The following MARCHF3 variants were observed in gnomAD, a reference collection of about 807,000 sequenced individuals.
The protein encoded by MARCHF3 is membrane associated ring-CH-type finger 3, also known as E3 ubiquitin-protein ligase MARCHF3.
MARCHF3 carries 13 observed loss-of-function variants against 24.2 expected under a neutral mutation model. That is an observed-to-expected ratio of 0.54 (90% CI 0.35 to 0.85). MARCHF3 has a LOEUF of 0.85. Ranked by LOEUF, MARCHF3 falls within the 40% of genes least tolerant of loss-of-function variation. The probability of loss-of-function intolerance (pLI) is 0.01; values close to 1 mark genes in which losing one functional copy is unlikely to be tolerated. For synonymous variants in MARCHF3, 144 were observed against 137.3 expected, an observed-to-expected ratio of 1.05 and a Z score of -0.34; for missense variants, 276 against 325.0, an observed-to-expected ratio of 0.85 and a Z score of 1.16.
At chr5:126,911,208 C>A (rs1754517631) in intron 3 of MARCHF3, among the ~76,000 whole-genome samples, 1 of 152,186 alleles carries the variant, frequency 6.6e-6, no homozygotes, top group African/African-American at 2.4e-5. Flanking sequence ...TCTCGCCCTG[C>A]CTCCATTTGC....
intron 1 of MARCHF3, among the ~76,000 whole-genome samples, chr5:126,938,526 T>C (rs1749721821): frequency 6.7e-6 from 1 of 149,684 alleles, no homozygotes; most frequent in Admixed American, 6.7e-5. Context: ...GGAGTTAACA[T>C]GTAGGGCAAA....
intron 1 of MARCHF3, among the ~76,000 whole-genome samples, chr5:127,008,230 G>A (rs1752368916): frequency 6.6e-6 from 1 of 152,144 alleles, no homozygotes; most frequent in Non-Finnish European, 1.5e-5. Flanking sequence ...GTTTCCAACT[G>A]AAAATGAAAA....
intron 3 of MARCHF3, among the ~76,000 whole-genome samples, chr5:126,892,295 A>G (rs1321704036): frequency 3.4e-5 from 5 of 148,200 alleles, no homozygotes; most frequent in South Asian, 2.2e-4. Context: ...TCTCCTGCCT[A>G]ATTGCCCTGG....
chr5:126,883,908 G>A (rs1753421874), intron 3 of MARCHF3, among the ~76,000 whole-genome samples: 1 of 152,088 alleles, frequency 6.6e-6, no homozygotes, highest in Non-Finnish European at 1.5e-5. Context: ...TCACAAGAAT[G>A]AAAGAAACTG....
At chr5:126,893,254 T>C (rs1351359563) in intron 3 of MARCHF3, among the ~76,000 whole-genome samples, 1 of 151,812 alleles carries the variant, frequency 6.6e-6, no homozygotes, top group Non-Finnish European at 1.5e-5. Flanking sequence ...CTGGATTCGT[T>C]AATTTTTTGA....
intron 1 of MARCHF3, among the ~76,000 whole-genome samples, chr5:126,950,053 C>T (rs994940149): frequency 2.6e-5 from 4 of 152,182 alleles, no homozygotes; most frequent in African/African-American, 9.7e-5. Context: ...TCCCCCAGGA[C>T]CTCCAATATT....
chr5:126,951,186 T>G (rs921859876), intron 1 of MARCHF3, among the ~76,000 whole-genome samples: 16 of 152,228 alleles, frequency 1.1e-4, no homozygotes, highest in African/African-American at 3.9e-4. Context: ...TACACTTTCT[T>G]CACTTGGCTT....
intron 1 of MARCHF3, among the ~76,000 whole-genome samples, chr5:127,024,927 T>G (rs1322942318): frequency 6.6e-6 from 1 of 152,208 alleles, no homozygotes; most frequent in Non-Finnish European, 1.5e-5. Flanking sequence ...CCTAACATAG[T>G]TGGATGGCTA....
chr5:126,917,477 A>C (rs898783507), intron 2 of MARCHF3, among the ~76,000 whole-genome samples: 2 of 152,218 alleles, frequency 1.3e-5, no homozygotes, highest in Non-Finnish European at 2.9e-5. Flanking sequence ...AGAGGACAGC[A>C]GAAGAGACCT....
At chr5:126,918,570 T>A (rs1272080051) in intron 1 of MARCHF3, among the ~76,000 whole-genome samples, 1 of 152,160 alleles carries the variant, frequency 6.6e-6, no homozygotes, top group Non-Finnish European at 1.5e-5. Flanking sequence ...AAGCAATAAG[T>A]TTTTGTTGAC....
At chr5:126,933,068 T>G (rs995673792) in intron 1 of MARCHF3, among the ~76,000 whole-genome samples, 3 of 152,164 alleles carry the variant, frequency 2.0e-5, no homozygotes, top group African/African-American at 7.2e-5. Context: ...ACTGGGCACA[T>G]AGTGGGAAAT....
chr5:127,024,942 T>C (rs1752944206), intron 1 of MARCHF3, among the ~76,000 whole-genome samples: 1 of 152,208 alleles, frequency 6.6e-6, no homozygotes, highest in Admixed American at 6.5e-5. Context: ...TGGCTACGCA[T>C]TGCAAAAACT....
chr5:126,888,818 G>A (rs200765929), intron 3 of MARCHF3, among the ~76,000 whole-genome samples: 1 of 152,222 alleles, frequency 6.6e-6, no homozygotes, highest in African/African-American at 2.4e-5. Context: ...AGGCTGGAGT[G>A]CAGTGGCACA....
At chr5:126,871,859 A>G (rs1209459366) in intron 4 of MARCHF3, among the ~76,000 whole-genome samples, 1 of 151,822 alleles carries the variant, frequency 6.6e-6, no homozygotes, top group African/African-American at 2.4e-5. Flanking sequence ...GGCATACGCC[A>G]CCATGCCTGG....
At chr5:126,968,128 G>A (rs1422083645) in intron 1 of MARCHF3, among the ~76,000 whole-genome samples, 1 of 152,196 alleles carries the variant, frequency 6.6e-6, no homozygotes, top group Non-Finnish European at 1.5e-5. Flanking sequence ...GTTCATCTAT[G>A]TTGTAGAATG....
intron 3 of MARCHF3, among the ~76,000 whole-genome samples, chr5:126,888,246 T>C (rs1753563393): frequency 6.6e-6 from 1 of 152,204 alleles, no homozygotes; most frequent in Admixed American, 6.5e-5. Context: ...GTGATCTGGC[T>C]GAAGCATAAA....
chr5:126,942,472 T>C (rs1749861957), intron 1 of MARCHF3, among the ~76,000 whole-genome samples: 1 of 152,192 alleles, frequency 6.6e-6, no homozygotes, highest in African/African-American at 2.4e-5. Context: ...AAAACCACTC[T>C]TCTAGTTTGA....
intron 1 of MARCHF3, among the ~76,000 whole-genome samples, chr5:126,999,504 T>C (rs1156630264): frequency 1.3e-5 from 2 of 152,206 alleles, no homozygotes; most frequent in Non-Finnish European, 2.9e-5. Flanking sequence ...ACCTTCAGAT[T>C]TGACCCTCGT....
At chr5:126,890,234 A>G (rs1422602048) in intron 3 of MARCHF3, among the ~76,000 whole-genome samples, 1 of 149,910 alleles carries the variant, frequency 6.7e-6, no homozygotes, top group Non-Finnish European at 1.5e-5. Context: ...TAAAACTCAC[A>G]GACTTGTCTT....
Sources: allele counts gnomAD v4.1 joint callset (sites outside exome capture counted in the v4.1 genomes callset), GRCh38; gene constraint gnomAD v4.1.1; transcripts MANE v1.5; gene names NCBI Gene and HGNC (gene_info 2026-07-23, HGNC 2026-07-21).